Variants in ABTB3 observed in about 807,000 individuals in gnomAD.
The protein encoded by ABTB3 is ankyrin repeat- and BTB/POZ domain-containing protein 3.
the ABTB3 span, among the ~76,000 whole-genome samples, chr12:107,389,398 C>A: frequency 6.6e-6 from 1 of 152,070 alleles, no homozygotes; most frequent in Non-Finnish European, 1.5e-5. Context: ...AGGTATAAGC[C>A]GCAATACTCC....
the ABTB3 span, among the ~76,000 whole-genome samples, chr12:107,605,328 G>C: frequency 6.6e-6 from 1 of 152,198 alleles, no homozygotes; most frequent in Non-Finnish European, 1.5e-5. Context: ...CATTTTTTAA[G>C]TAAATAAAAT....
the ABTB3 span, among the ~76,000 whole-genome samples, chr12:107,595,803 A>G: frequency 6.6e-6 from 1 of 152,178 alleles, no homozygotes. Context: ...GGATTAAAGT[A>G]AGGATTAGAT....
the ABTB3 span, among the ~76,000 whole-genome samples, chr12:107,606,490 C>T: frequency 1.3e-5 from 2 of 152,188 alleles, no homozygotes; most frequent in Non-Finnish European, 2.9e-5. Flanking sequence ...TGTCTCCCAC[C>T]TTTGTAGCCC....
At chr12:107,469,996 CTTTCTTTCTTTCTT>C in the ABTB3 span, among the ~76,000 whole-genome samples, 115 of 96,020 alleles carry the variant, frequency 1.2e-3, 6 homozygotes, top group South Asian at 2.0e-3. Context: ...TTCTTTCTTT[CTTTCTTTCTTTCTT>C]TCTCTCTCTC....
At chr12:107,410,355 G>A in the ABTB3 span, among the ~76,000 whole-genome samples, 1 of 152,094 alleles carries the variant, frequency 6.6e-6, no homozygotes, top group Admixed American at 6.6e-5. Flanking sequence ...GTGGGTTGTG[G>A]TAGGAGGGAG....
the ABTB3 span, among the ~76,000 whole-genome samples, chr12:107,341,997 C>A: frequency 1.3e-5 from 2 of 152,218 alleles, no homozygotes; most frequent in Non-Finnish European, 2.9e-5. Flanking sequence ...CTACAGCCTG[C>A]AGAACCATGA....
At chr12:107,641,152 C>T in the ABTB3 span, among the ~76,000 whole-genome samples, 30 of 152,184 alleles carry the variant, frequency 2.0e-4, no homozygotes, top group Non-Finnish European at 3.7e-4. Flanking sequence ...GCACTCCCTG[C>T]ATTTCTAAAA....
At chr12:107,399,015 C>G in the ABTB3 span, among the ~76,000 whole-genome samples, 1 of 152,044 alleles carries the variant, frequency 6.6e-6, no homozygotes, top group South Asian at 2.1e-4. Context: ...GAAAATTACC[C>G]TAGAAAAATC....
the ABTB3 span, chr12:107,581,051 A>G: frequency 6.5e-7 from 1 of 1,548,208 alleles, no homozygotes; most frequent in East Asian, 2.5e-5. Context: ...GGGAGTCGGG[A>G]GATGGGGGGA....
chr12:107,589,474 T>C, the ABTB3 span, among the ~76,000 whole-genome samples: 1 of 152,178 alleles, frequency 6.6e-6, no homozygotes, highest in Admixed American at 6.5e-5. Flanking sequence ...CTCTGAAATA[T>C]GAGATTTGGA....
At chr12:107,607,757 T>C in the ABTB3 span, among the ~76,000 whole-genome samples, 3 of 152,148 alleles carry the variant, frequency 2.0e-5, no homozygotes, top group Non-Finnish European at 4.4e-5. Flanking sequence ...CTCCTACCCC[T>C]GGATTCCCAT....
At chr12:107,478,263 A>G in the ABTB3 span, among the ~76,000 whole-genome samples, 1 of 152,188 alleles carries the variant, frequency 6.6e-6, no homozygotes, top group Non-Finnish European at 1.5e-5. Context: ...TATGTCATAC[A>G]TGTCTTACAC....
the ABTB3 span, among the ~76,000 whole-genome samples, chr12:107,413,288 A>G: frequency 5.3e-5 from 8 of 152,262 alleles, no homozygotes; most frequent in East Asian, 1.5e-3. Flanking sequence ...AATAAAAAAA[A>G]AAGCGCATTG....
the ABTB3 span, among the ~76,000 whole-genome samples, chr12:107,394,430 T>A: frequency 6.6e-6 from 1 of 152,334 alleles, no homozygotes; most frequent in Admixed American, 6.5e-5. Flanking sequence ...TCCATTCTGA[T>A]CTTGGCTTCT....
chr12:107,601,483 G>A, the ABTB3 span, among the ~76,000 whole-genome samples: 1 of 152,216 alleles, frequency 6.6e-6, no homozygotes, highest in Non-Finnish European at 1.5e-5. Context: ...TATTGGGGCT[G>A]CTCGGGCCTT....
chr12:107,509,148 CT>C, the ABTB3 span, among the ~76,000 whole-genome samples: 3 of 152,244 alleles, frequency 2.0e-5, no homozygotes, highest in African/African-American at 7.2e-5. Flanking sequence ...TCTTAAGCCC[CT>C]ATGAGGCGGA....
chr12:107,567,469 A>G, the ABTB3 span, among the ~76,000 whole-genome samples: 3 of 152,236 alleles, frequency 2.0e-5, no homozygotes. Context: ...TAGTTACACA[A>G]ATACTTCCCA....
At chr12:107,558,631 G>T in the ABTB3 span, among the ~76,000 whole-genome samples, 3 of 152,200 alleles carry the variant, frequency 2.0e-5, no homozygotes, top group Admixed American at 2.0e-4. Flanking sequence ...CACCTCTCCC[G>T]TGAAAGATTT....
At chr12:107,489,592 A>T in the ABTB3 span, among the ~76,000 whole-genome samples, 1 of 152,138 alleles carries the variant, frequency 6.6e-6, no homozygotes, top group African/African-American at 2.4e-5. Flanking sequence ...ATTTTCAGGG[A>T]TCTAGCTATC....
Sources: gnomAD v4.1 joint callset for allele counts (sites outside exome capture counted in the v4.1 genomes callset) on GRCh38, gnomAD v4.1.1 for gene constraint, MANE v1.5 for transcripts, NCBI Gene and HGNC (gene_info 2026-07-23, HGNC 2026-07-21) for gene names.